Variants in RGS6 observed in about 807,000 individuals in gnomAD.
RGS6 encodes the protein regulator of G protein signaling 6.
In RGS6, 30 loss-of-function variants were observed where a neutral mutation model predicts 78.5. That is an observed-to-expected ratio of 0.38 (90% CI 0.29 to 0.52). RGS6 has a LOEUF of 0.52. RGS6 is among the 20% of genes least tolerant of loss of function. The pLI is 0.85. For missense variants in RGS6, 495 were observed against 609.7 expected, an observed-to-expected ratio of 0.81 and a Z score of 1.98; for synonymous variants, 206 against 206.0, an observed-to-expected ratio of 1.00 and a Z score of 0.00.
At chr14:72,160,099 G>A (rs1187896697) in intron 2 of RGS6, among the ~76,000 whole-genome samples, 1 of 152,142 alleles carries the variant, frequency 6.6e-6, no homozygotes, top group Non-Finnish European at 1.5e-5. Flanking sequence ...ATATTGCCTG[G>A]AAAATAGTAG....
intron 6 of RGS6, among the ~76,000 whole-genome samples, chr14:72,461,715 C>T (rs2095787310): frequency 6.6e-6 from 1 of 152,060 alleles, no homozygotes; most frequent in Admixed American, 6.6e-5. Flanking sequence ...AACCAGTACT[C>T]CCCAGGGTTT....
the RGS6 span, among the ~76,000 whole-genome samples, chr14:71,893,680 T>C: frequency 2.0e-5 from 3 of 152,114 alleles, no homozygotes; most frequent in South Asian, 6.2e-4. Context: ...GCTGTACATA[T>C]TTATAAGGGG....
intron 2 of RGS6, among the ~76,000 whole-genome samples, chr14:72,323,947 A>G (rs1419064711): frequency 6.7e-6 from 1 of 149,914 alleles, no homozygotes; most frequent in Non-Finnish European, 1.5e-5. Flanking sequence ...GGTACTTGAG[A>G]TATTTTGATA....
At chr14:72,072,609 G>T (rs573457466) in intron 2 of RGS6, among the ~76,000 whole-genome samples, 2 of 152,212 alleles carry the variant, frequency 1.3e-5, no homozygotes, top group South Asian at 4.2e-4. Context: ...GTTCTTGGCT[G>T]TTTGTGTTTT....
At chr14:72,258,482 G>T (rs2057506074) in intron 2 of RGS6, among the ~76,000 whole-genome samples, 1 of 152,180 alleles carries the variant, frequency 6.6e-6, no homozygotes, top group Admixed American at 6.5e-5. Flanking sequence ...CCTTTACAAT[G>T]CTGTGACTTT....
intron 2 of RGS6, among the ~76,000 whole-genome samples, chr14:72,083,592 A>T (rs565036638): frequency 1.3e-5 from 2 of 152,286 alleles, no homozygotes; most frequent in East Asian, 1.9e-4. Flanking sequence ...CGTCCCTCGG[A>T]TGGAGCTGGT....
intron 2 of RGS6, among the ~76,000 whole-genome samples, chr14:72,089,311 A>G (rs1437048195): frequency 6.6e-6 from 1 of 152,248 alleles, no homozygotes; most frequent in African/African-American, 2.4e-5. Flanking sequence ...TTTTTCTGGA[A>G]TAATGTTACA....
chr14:72,325,451 T>C (rs2152540957), intron 2 of RGS6, among the ~76,000 whole-genome samples: 1 of 152,110 alleles, frequency 6.6e-6, no homozygotes, highest in South Asian at 2.1e-4. Context: ...TGAATGGTAT[T>C]GCCTAGGTTT....
intron 2 of RGS6, among the ~76,000 whole-genome samples, chr14:72,075,883 T>C (rs1249180394): frequency 6.6e-6 from 1 of 152,218 alleles, no homozygotes; most frequent in Non-Finnish European, 1.5e-5. Context: ...GTTGTCTCTA[T>C]TCGTCTGACC....
At chr14:72,113,063 TACACAC>T (rs367599502) in intron 2 of RGS6, among the ~76,000 whole-genome samples, 1 of 139,696 alleles carries the variant, frequency 7.2e-6, no homozygotes, top group African/African-American at 2.5e-5. Context: ...TTCCTACACT[TACACAC>T]ACACACACGC....
intron 2 of RGS6, among the ~76,000 whole-genome samples, chr14:72,077,825 C>T (rs1277585125): frequency 6.6e-6 from 1 of 152,168 alleles, no homozygotes; most frequent in African/African-American, 2.4e-5. Flanking sequence ...ATTTAGAGTG[C>T]ATTAAATTTT....
At chr14:72,359,547 A>C (rs1459388269) in intron 3 of RGS6, among the ~76,000 whole-genome samples, 1 of 152,174 alleles carries the variant, frequency 6.6e-6, no homozygotes, top group Non-Finnish European at 1.5e-5. Flanking sequence ...AGCCATCAGC[A>C]TGTAGACAGT....
intron 3 of RGS6, among the ~76,000 whole-genome samples, chr14:72,450,547 G>A (rs542746227): frequency 1.3e-5 from 2 of 152,282 alleles, no homozygotes; most frequent in South Asian, 4.1e-4. Context: ...TTCAGACAGT[G>A]TTTTAGGATC....
intron 2 of RGS6, among the ~76,000 whole-genome samples, chr14:72,191,077 C>T (rs1477452790): frequency 3.9e-5 from 6 of 152,086 alleles, no homozygotes; most frequent in African/African-American, 9.7e-5. Context: ...TTATTCCAAG[C>T]GAATTTCTCA....
chr14:72,544,977 C>G (rs1472416274), intron 17 of RGS6, among the ~76,000 whole-genome samples: 2 of 152,232 alleles, frequency 1.3e-5, no homozygotes, highest in Non-Finnish European at 2.9e-5. Context: ...CTCCTGCCCC[C>G]AGGAAGGCGG....
chr14:72,092,474 C>T (rs2190634), intron 2 of RGS6, among the ~76,000 whole-genome samples: 98,461 of 151,816 alleles, frequency 0.65, 32,072 homozygotes, highest in East Asian at 0.7. Context: ...CTCCGCCTCC[C>T]GGGTTCAAGT....
At chr14:72,207,215 T>G (rs2042928064) in intron 2 of RGS6, among the ~76,000 whole-genome samples, 1 of 152,236 alleles carries the variant, frequency 6.6e-6, no homozygotes, top group African/African-American at 2.4e-5. Context: ...ATGTAATTTT[T>G]CCATTTAGAC....
chr14:72,055,449 C>T (rs992251484), intron 2 of RGS6, among the ~76,000 whole-genome samples: 2 of 152,098 alleles, frequency 1.3e-5, no homozygotes, highest in African/African-American at 4.8e-5. Flanking sequence ...AGTATCATGC[C>T]TGCTTAGTTT....
At chr14:72,253,218 G>T (rs2056258916) in intron 2 of RGS6, among the ~76,000 whole-genome samples, 1 of 152,238 alleles carries the variant, frequency 6.6e-6, no homozygotes, top group Non-Finnish European at 1.5e-5. Context: ...TCTCTGCCAT[G>T]AGAATGGCAT....
Sources: allele counts gnomAD v4.1 joint callset (sites outside exome capture counted in the v4.1 genomes callset), GRCh38; gene constraint gnomAD v4.1.1; transcripts MANE v1.5; gene names NCBI Gene and HGNC (gene_info 2026-07-23, HGNC 2026-07-21).